Variants in MAP1B observed in about 807,000 individuals in gnomAD.
MAP1B encodes the protein microtubule-associated protein 1B.
Under a neutral mutation model 176.1 loss-of-function variants are expected in MAP1B, and 12 were observed. The ratio of observed to expected loss-of-function variants is 0.07; its 90% CI spans 0.04 to 0.11. The LOEUF is 0.11. Among genes scored for constraint, MAP1B ranks in the 10% least tolerant of loss-of-function variants. The pLI, the probability that MAP1B is intolerant of heterozygous loss-of-function variation, is 1.00. For synonymous variants in MAP1B, 1,044 were observed against 1,135.0 expected (o/e 0.92, Z 1.61); for missense variants, 2,523 against 2,990.5 (o/e 0.84, Z 3.65).
intron 2 of MAP1B, among the ~76,000 whole-genome samples, chr5:72,133,438 G>A (rs1312305645): frequency 6.6e-6 from 1 of 152,156 alleles, no homozygotes; most frequent in Non-Finnish European, 1.5e-5. Context: ...CTAGGATTAG[G>A]GGCAGGTATT....
chr5:72,155,762 T>C (rs1746217804), intron 2 of MAP1B, among the ~76,000 whole-genome samples: 1 of 142,100 alleles, frequency 7.0e-6, no homozygotes, highest in Non-Finnish European at 1.5e-5. Context: ...ATTGATTTTC[T>C]TTTCTTTTTT....
intron 2 of MAP1B, among the ~76,000 whole-genome samples, chr5:72,183,125 G>GAAAAC (rs1746813174): frequency 6.6e-6 from 1 of 152,162 alleles, no homozygotes. Context: ...ATGTTTTTAG[G>GAAAAC]AGGCAGTTTG....
At position 72,203,832 on chromosome 5, in the gene MAP1B, C is replaced by T. The variant is rs757672310; in HGVS notation, c.7251+31C>T. 26 of 1,593,770 alleles carry T rather than the reference C, an allele frequency of 1.6e-5. No individual in the cohort carries two copies. In the Admixed American group the frequency reaches 1.8e-4, roughly 11 times the overall value. On this transcript the variant is annotated intron_variant, in intron 6 of 6. Coordinates refer to ENST00000296755, the MANE Select transcript of MAP1B (RefSeq NM_005909.5). ...AACTCCTCGACAGTGTCTGCACTGC[C>T]GATTGAGCTGTGTCCAGAGGCAATG...
chr5:72,108,639 C>T (rs1433621188), intron 1 of MAP1B, among the ~76,000 whole-genome samples: 1 of 152,110 alleles, frequency 6.6e-6, no homozygotes, highest in Non-Finnish European at 1.5e-5. Flanking sequence ...CGCCCCCAGC[C>T]CCACCCGAGC....
At chr5:72,157,934 G>A (rs932039940) in intron 2 of MAP1B, among the ~76,000 whole-genome samples, 3 of 151,550 alleles carry the variant, frequency 2.0e-5, no homozygotes, top group Admixed American at 2.0e-4. Flanking sequence ...CAGCCTCCCG[G>A]GTCCAAGCGA....
rs1222604089 is a variant in MAP1B, at chr5:72,208,432, CAG to C, written c.*3197_*3198del. ...GGTAGTATTCTTAAACAAAATTCTA[CAG>C]AGACTAAATGTTAGCGATGATCCTC... On this transcript the variant is annotated 3_prime_UTR_variant, in exon 7 of 7. Coordinates refer to ENST00000296755, the MANE Select transcript of MAP1B (RefSeq NM_005909.5). The C allele has an allele frequency of 2.6e-5, 4 of 152,136 alleles. No homozygotes were observed. Among genetic ancestry groups the C allele is most frequent in the African/African-American group, 9.7e-5 (4 of 41,442 alleles). The allele number at this position is 152,136 out of a possible 1,614,324, so 9.4% of individuals were successfully genotyped here.
chr5:72,111,472 A>G (rs1420027830), intron 1 of MAP1B, among the ~76,000 whole-genome samples: 1 of 152,212 alleles, frequency 6.6e-6, no homozygotes. Context: ...ACTTAACTGA[A>G]TGTCCTTCAG....
chr5:72,170,295 G>T (rs1746511165), intron 2 of MAP1B, among the ~76,000 whole-genome samples: 1 of 152,160 alleles, frequency 6.6e-6, no homozygotes, highest in African/African-American at 2.4e-5. Flanking sequence ...AGCAAGCTGG[G>T]TTTCACATCT....
At chr5:72,176,174 A>AT (rs1746650659) in intron 2 of MAP1B, among the ~76,000 whole-genome samples, 1 of 152,250 alleles carries the variant, frequency 6.6e-6, no homozygotes, top group African/African-American at 2.4e-5. Context: ...GTGGGAGGCC[A>AT]TAGTGCCCTG....
intron 2 of MAP1B, among the ~76,000 whole-genome samples, chr5:72,157,523 G>T (rs1028821610): frequency 2.6e-5 from 4 of 152,236 alleles, no homozygotes; most frequent in African/African-American, 9.6e-5. Context: ...GATTCCCGGG[G>T]ACAGGGAGCC....
chr5:72,166,706 C>G (rs1051417283), intron 2 of MAP1B, among the ~76,000 whole-genome samples: 8 of 152,134 alleles, frequency 5.3e-5, no homozygotes, highest in African/African-American at 9.7e-5. Flanking sequence ...GACTATTCGC[C>G]GAGGATGTGT....
At chr5:72,134,573 G>A (rs1023250370) in intron 2 of MAP1B, among the ~76,000 whole-genome samples, 2 of 151,974 alleles carry the variant, frequency 1.3e-5, no homozygotes, top group Non-Finnish European at 2.9e-5. Flanking sequence ...TACCACATAG[G>A]AGAATTTTTT....
chr5:72,165,480 G>A (rs1746410729), intron 2 of MAP1B, among the ~76,000 whole-genome samples: 1 of 152,152 alleles, frequency 6.6e-6, no homozygotes, highest in African/African-American at 2.4e-5. Flanking sequence ...GAATAGAGAT[G>A]TTACTTAGGG....
Position 72,199,173 on chromosome 5 carries a change from T to C in MAP1B, c.5818T>C (p.Tyr1940His). 1 of 1,614,108 alleles carries C rather than the reference T, an allele frequency of 6.2e-7. No individual in the cohort carries two copies. Among genetic ancestry groups the C allele is most frequent in the South Asian group, 1.1e-5 (1 of 91,066 alleles). ...TKTPEDGDYS[Y>H]EIIEKTTRTP... ...GACCCCTGAAGATGGTGACTATTCCTATGAAATTATTGAGAAGACCACACG... is the reference window on the plus strand; with the variant it reads ...GACCCCTGAAGATGGTGACTATTCCCATGAAATTATTGAGAAGACCACACG... Residue 1940 changes from tyrosine to histidine, a missense_variant, in exon 5 of 7, where the codon TAT becomes CAT. By Grantham distance (83) the Tyr-to-His change is moderately conservative. Transcript: ENST00000296755. The surrounding 1 kb of genome is among the most constrained non-coding windows in gnomAD (Gnocchi z 4.2).
Position 72,205,544 on chromosome 5 carries a change from C to A in MAP1B, c.*305C>A. 1 of 285,924 alleles carries A rather than the reference C, an allele frequency of 3.5e-6. No individual in the cohort carries two copies. The highest frequency in any genetic ancestry group is 6.7e-6 in the Non-Finnish European group (1 of 149,996). The allele number at this position is 285,924 out of a possible 1,614,324, so 17.7% of individuals were successfully genotyped here. On this transcript the variant is annotated 3_prime_UTR_variant, in exon 7 of 7. Transcript: ENST00000296755. ...CCAACTGACTTCTGCTAGGTAGAGG[C>A]ATTTGTCTTAGAGAGAGAGAGAGCG...
At chr5:72,177,781 C>G (rs1362744617) in intron 2 of MAP1B, among the ~76,000 whole-genome samples, 2 of 152,184 alleles carry the variant, frequency 1.3e-5, no homozygotes, top group Admixed American at 1.3e-4. Context: ...ATTTCTTGCT[C>G]TTAGCCATTT....
In MAP1B at chr5:72,155,869, C is replaced by T. The variant is rs528186314; in HGVS notation, c.287-27874C>T. ...GCAATCTCTGCCTTTCAGGTTCAAGCGATTCTCCTGCCTTAGCCTCCCAAG... is the reference window on the plus strand; with the variant it reads ...GCAATCTCTGCCTTTCAGGTTCAAGTGATTCTCCTGCCTTAGCCTCCCAAG... On this transcript the variant is annotated intron_variant, in intron 2 of 6. Coordinates refer to ENST00000296755, the MANE Select transcript of MAP1B (RefSeq NM_005909.5). 2.0e-5 allele frequency among the ~76,000 whole-genome samples: 3 copies of T among 149,722 alleles called. No individual in the cohort carries two copies. The South Asian group carries it at 6.3e-4, about 32-fold the overall frequency.
intron 2 of MAP1B, among the ~76,000 whole-genome samples, chr5:72,140,270 T>C (rs1014698747): frequency 2.0e-5 from 3 of 152,252 alleles, no homozygotes; most frequent in African/African-American, 7.2e-5. Context: ...TCCTACAAAC[T>C]TCTTTTACCT....
At chr5:72,126,601 T>G (rs947548212) in intron 2 of MAP1B, among the ~76,000 whole-genome samples, 2 of 152,232 alleles carry the variant, frequency 1.3e-5, no homozygotes, top group Admixed American at 6.5e-5. Flanking sequence ...CCTTCCAGTT[T>G]TTTTATTCCA....
Sources: allele counts gnomAD v4.1 joint callset (sites outside exome capture counted in the v4.1 genomes callset), GRCh38; gene constraint gnomAD v4.1.1; non-coding constraint Gnocchi (gnomAD v3.1); transcripts MANE v1.5; gene names NCBI Gene and HGNC (gene_info 2026-07-23, HGNC 2026-07-21).